RELB: variants seen among roughly 807,000 people sequenced by gnomAD.
RELB encodes the protein transcription factor RelB.
RELB carries 14 observed loss-of-function variants against 55.4 expected under a neutral mutation model. That is an observed-to-expected ratio of 0.25 (90% CI 0.17 to 0.40). The LOEUF (loss-of-function observed/expected upper bound fraction) is 0.40. Among genes scored for constraint, RELB ranks in the 10% least tolerant of loss-of-function variants. The pLI, the probability that RELB is intolerant of heterozygous loss-of-function variation, is 1.00. For synonymous variants in RELB, 409 were observed against 371.3 expected (o/e 1.10, Z -1.17); for missense variants, 669 against 830.7 (o/e 0.81, Z 2.39).
Position 45,037,621 on chromosome 19 carries a change from T to C in RELB, c.1571T>C (p.Val524Ala), listed in dbSNP as rs768719076. 32 of 1,602,656 alleles carry C rather than the reference T, an allele frequency of 2.0e-5. No homozygotes were observed. Among genetic ancestry groups the C allele is most frequent in the Non-Finnish European group, 2.7e-5 (32 of 1,175,336 alleles). The change falls in exon 12 of 12, where the codon GTG (valine) becomes GCG (alanine). Residue 524 changes from valine (V) to alanine (A), a missense_variant. This residue lies in a region of RELB where 341 missense variants were observed against 436.8 expected (regional missense o/e 0.78). Coordinates refer to ENST00000221452, the MANE Select transcript of RELB (RefSeq NM_006509.4). ...GTGTGCAGCGGAGGTGCCGGGGCCG[T>C]GGTTGGGGAGACCCCCGGCCCTGAA... is the stretch of plus-strand genomic sequence containing the variant. Reference protein sequence around the residue: ...AVVCSGGAGAVVGETPGPEPL... With the variant: ...AVVCSGGAGAAVGETPGPEPL...
At chr19:45,006,392 C>T (rs879503133) in intron 2 of RELB, among the ~76,000 whole-genome samples, 16 of 151,904 alleles carry the variant, frequency 1.1e-4, no homozygotes, top group Non-Finnish European at 2.1e-4. Flanking sequence ...TTTAGAGAAA[C>T]GGGGTTTCAC....
At chr19:45,017,324 C>T (rs1172188275) in intron 4 of RELB, among the ~76,000 whole-genome samples, 2 of 151,220 alleles carry the variant, frequency 1.3e-5, no homozygotes, top group Non-Finnish European at 2.9e-5. Flanking sequence ...CTATATCTTC[C>T]TTTTTTAAAA....
chr19:45,002,503 C>T (rs766808695), intron 1 of RELB, among the ~76,000 whole-genome samples: 7 of 152,282 alleles, frequency 4.6e-5, no homozygotes, highest in Non-Finnish European at 7.4e-5. Flanking sequence ...CAGGTGCCCG[C>T]CACCACACCC....
Position 45,001,541 on chromosome 19 carries a change from C to G in RELB, c.-39C>G. ...CGCTCGTCCGACCCGCGATCGTCCACCAGACCGTGCCTCCCGGCCGCCCGG... is the reference window on the plus strand; with the variant it reads ...CGCTCGTCCGACCCGCGATCGTCCAGCAGACCGTGCCTCCCGGCCGCCCGG... On this transcript the variant is annotated 5_prime_UTR_variant, in exon 1 of 12. Transcript: ENST00000221452. 1 of 1,276,962 alleles carries G rather than the reference C, an allele frequency of 7.8e-7. No homozygotes were observed. The allele number at this position is 1,276,962 out of a possible 1,614,324, so 79.1% of individuals were successfully genotyped here. A position where few individuals can be genotyped will look rare whatever the true frequency, so the allele number is the denominator to read the frequency against.
intron 5 of RELB, among the ~76,000 whole-genome samples, chr19:45,024,878 G>T (rs1467665621): frequency 6.7e-6 from 1 of 149,872 alleles, no homozygotes; most frequent in Admixed American, 6.7e-5. Context: ...TTTATTGTTT[G>T]AGATGGTGTC....
intron 4 of RELB, among the ~76,000 whole-genome samples, chr19:45,014,520 TTTTTTGG>T (rs1466281162): frequency 3.6e-5 from 3 of 83,920 alleles, no homozygotes; most frequent in Admixed American, 1.1e-4. Flanking sequence ...TTTTTTTTTG[TTTTTTGG>T]TTTTTTTTTT....
At chr19:45,015,917 C>T (rs996010347) in intron 4 of RELB, among the ~76,000 whole-genome samples, 1 of 152,034 alleles carries the variant, frequency 6.6e-6, no homozygotes, top group East Asian at 1.9e-4. Flanking sequence ...GGTTTTAACC[C>T]TATCTGACCC....
At position 45,025,691 on chromosome 19, in the gene RELB, G is replaced by T. The variant is rs762065870; in HGVS notation, c.840G>T (p.Gln280His). 1 of 1,614,032 alleles carries T rather than the reference G, an allele frequency of 6.2e-7. No homozygotes were observed. The highest frequency in any genetic ancestry group is 8.5e-7 in the Non-Finnish European group (1 of 1,179,906). ...FQASYRDQQG[Q>H]MRRMDPVLSE... The stretch of plus-strand genomic sequence containing the variant: ...CCTCATATCGGGACCAGCAGGGACA[G>T]ATGCGCCGGATGGATCCTGTGCTTT... Residue 280 changes from glutamine to histidine, a missense_variant, in exon 7 of 12, where the codon CAG (glutamine) becomes CAT (histidine). This residue lies in a region of RELB where 341 missense variants were observed against 436.8 expected (regional missense o/e 0.78). Transcript: ENST00000221452.
chr19:45,011,528 C>T lies in RELB; in HGVS notation c.164-408C>T, dbSNP rs144446870. 2.4e-3 allele frequency among the ~76,000 whole-genome samples: 365 copies of T among 152,120 alleles called. 1 individual carries two copies. Among genetic ancestry groups the T allele is most frequent in the Non-Finnish European group, 4.1e-3 (281 of 67,996 alleles). ...CTGGCGTGCAGTGTCACGATCTTGACTTACTGCAGTGTCCGCCTCCTGGGT... is the reference window on the plus strand; with the variant it reads ...CTGGCGTGCAGTGTCACGATCTTGATTTACTGCAGTGTCCGCCTCCTGGGT... On this transcript the variant is annotated intron_variant, in intron 3 of 11. Coordinates refer to ENST00000221452, the MANE Select transcript of RELB (RefSeq NM_006509.4).
rs530328571 is a variant in RELB at position 45,002,273 on chromosome 19, C to T, written c.106+588C>T. On this transcript the variant is annotated intron_variant, in intron 1 of 11. Transcript: ENST00000221452. Reference sequence around the variant, plus strand: ...ATGAGGAGGGGGTGGGGCTTGCCTCCAGACGGAGAAGCGGAGCCTTGACAT... The same window carrying T: ...ATGAGGAGGGGGTGGGGCTTGCCTCTAGACGGAGAAGCGGAGCCTTGACAT... Among the ~76,000 whole-genome samples the T allele has an allele frequency of 3.3e-5, 5 of 152,210 alleles. No individual in the cohort carries two copies. In the South Asian group the frequency reaches 1.0e-3, roughly 32 times the overall value.
intron 4 of RELB, among the ~76,000 whole-genome samples, chr19:45,020,596 C>T (rs943611695): frequency 6.4e-5 from 8 of 124,250 alleles, no homozygotes; most frequent in African/African-American, 1.3e-4. Flanking sequence ...CTCGCTCTGT[C>T]GCCCAGGCTG....
At chr19:45,004,124 G>T (rs1026265573) in intron 2 of RELB, among the ~76,000 whole-genome samples, 2 of 151,048 alleles carry the variant, frequency 1.3e-5, no homozygotes, top group Non-Finnish European at 2.9e-5. Flanking sequence ...CACCATGTTG[G>T]CCAGGCTGGT....
Position 45,029,108 on chromosome 19 carries a change from A to G in RELB, c.991+116A>G, listed in dbSNP as rs1184394484. 2.0e-5 allele frequency: 14 copies of G among 706,640 alleles called. No homozygotes were observed. The East Asian group carries it at 3.8e-4, about 19-fold the overall frequency. 43.8% of individuals were successfully genotyped at this position (706,640 alleles called of 1,614,324 possible). On this transcript the variant is annotated intron_variant, in intron 8 of 11. Coordinates refer to ENST00000221452, the MANE Select transcript of RELB (RefSeq NM_006509.4). The stretch of plus-strand genomic sequence containing the variant: ...AAGAGCTGGTTAACCAGGGCACCAG[A>G]GTGCAAGGGTCCAGAACACTGTCTT...
intron 4 of RELB, among the ~76,000 whole-genome samples, chr19:45,013,724 C>T (rs1041619369): frequency 4.6e-5 from 7 of 151,768 alleles, no homozygotes; most frequent in South Asian, 2.1e-4. Flanking sequence ...CCCAGCTACT[C>T]GGGAGGCTGA....
intron 8 of RELB, among the ~76,000 whole-genome samples, chr19:45,029,734 C>A (rs1654336177): frequency 6.6e-6 from 1 of 151,968 alleles, no homozygotes; most frequent in South Asian, 2.1e-4. Flanking sequence ...CCTGTAATCC[C>A]AGCTACTCGG....
At chr19:45,003,801 G>A (rs1971244953) in intron 2 of RELB, among the ~76,000 whole-genome samples, 1 of 150,684 alleles carries the variant, frequency 6.6e-6, no homozygotes, top group East Asian at 2.0e-4. Flanking sequence ...GGTTCAGTAA[G>A]TGTTAACTGT....
At chr19:45,037,022 T>C (rs1971693659) in intron 11 of RELB, among the ~76,000 whole-genome samples, 1 of 151,202 alleles carries the variant, frequency 6.6e-6, no homozygotes, top group African/African-American at 2.4e-5. Flanking sequence ...CTCACACCTG[T>C]AATCCCAGCA....
chr19:45,028,851 T>A, intron 7 of RELB, 37 bp from the exon 8 acceptor site: 1 of 1,532,458 alleles, frequency 6.5e-7, no homozygotes, highest in African/African-American at 1.4e-5. Flanking sequence ...TTCTCGGGAT[T>A]TTTTTTAATA....
intron 4 of RELB, among the ~76,000 whole-genome samples, chr19:45,014,716 A>C (rs1387538973): frequency 1.3e-5 from 2 of 150,578 alleles, no homozygotes; most frequent in East Asian, 3.9e-4. Flanking sequence ...ATGGGGTTTC[A>C]CCATGTTGGC....
Sources: gnomAD v4.1 joint callset for allele counts (sites outside exome capture counted in the v4.1 genomes callset) on GRCh38, gnomAD v4.1.1 for gene constraint, gnomAD v4.1.1 regional missense constraint, MANE v1.5 for transcripts, NCBI Gene and HGNC (gene_info 2026-07-23, HGNC 2026-07-21) for gene names.